SLC22A23: variants seen among roughly 807,000 people sequenced by gnomAD.
SLC22A23 encodes solute carrier family 22 member 23.
A neutral mutation model predicts 61.0 loss-of-function variants in SLC22A23; 26 were observed. That is an observed-to-expected ratio of 0.43 (90% CI 0.31 to 0.59). The LOEUF (loss-of-function observed/expected upper bound fraction) is 0.59, where lower values mean the gene tolerates loss of function less well. Among genes scored for constraint, SLC22A23 ranks in the 20% least tolerant of loss-of-function variants. The probability of loss-of-function intolerance (pLI) is 0.11; values close to 1 mark genes in which losing one functional copy is unlikely to be tolerated. For missense variants in SLC22A23, 796 were observed against 934.7 expected (o/e 0.85, Z 1.94); for synonymous variants, 430 against 413.9 (o/e 1.04, Z -0.47).
At chr6:3,366,332 CAAAAAAAAAAA>C (rs11387672) in intron 3 of SLC22A23, among the ~76,000 whole-genome samples, 5 of 74,164 alleles carry the variant, frequency 6.7e-5, no homozygotes, top group African/African-American at 1.3e-4. Flanking sequence ...GACTCTGTCT[CAAAAAAAAAAA>C]AAAAAAAAAA....
chr6:3,411,229 T>C (rs1769218640), intron 2 of SLC22A23, among the ~76,000 whole-genome samples: 1 of 152,044 alleles, frequency 6.6e-6, no homozygotes, highest in Admixed American at 6.5e-5. Flanking sequence ...ACAATAACTC[T>C]CCATCAAACA....
In SLC22A23 at chr6:3,344,900, G is replaced by A. The variant is rs77956047; in HGVS notation, c.914-20898C>T. Among the ~76,000 whole-genome samples the A allele has an allele frequency of 6.4e-3, 963 of 149,598 alleles. 17 individuals are homozygous for A. The highest frequency in any genetic ancestry group is 0.018 in the African/African-American group (737 of 39,842). The stretch of plus-strand genomic sequence containing the variant: ...CATTTCTTGGCAGCACTGGCAGCCT[G>A]GGCTGAGGAAACCATCTTCCTAGTC... On this transcript the variant is annotated intron_variant, in intron 3 of 9. Coordinates refer to ENST00000406686, the MANE Select transcript of SLC22A23 (RefSeq NM_015482.2).
intron 3 of SLC22A23, among the ~76,000 whole-genome samples, chr6:3,373,843 TG>T (rs1222365986): frequency 6.6e-6 from 1 of 152,174 alleles, no homozygotes; most frequent in African/African-American, 2.4e-5. Context: ...GAGATGATGA[TG>T]ATGGCAGTAA....
intron 3 of SLC22A23, among the ~76,000 whole-genome samples, chr6:3,373,231 C>G (rs1411940462): frequency 2.0e-5 from 3 of 152,252 alleles, no homozygotes; most frequent in Non-Finnish European, 4.4e-5. Flanking sequence ...CCCTGGTAGA[C>G]AACCCTGGAC....
rs539044354 is a variant in SLC22A23, at chr6:3,406,599, C to T, written c.913+3589G>A. Among the ~76,000 whole-genome samples, 26 of 151,814 alleles carry T rather than the reference C, an allele frequency of 1.7e-4. No individual in the cohort carries two copies. The South Asian group carries it at 5.4e-3, about 32-fold the overall frequency. On this transcript the variant is annotated intron_variant, in intron 3 of 9. Coordinates refer to ENST00000406686, the MANE Select transcript of SLC22A23 (RefSeq NM_015482.2). The stretch of plus-strand genomic sequence containing the variant: ...GTGTCCAGAGGCCACTGATCCAGTC[C>T]AAGTGTATTTAGAAATTAGTTCAGT...
intron 6 of SLC22A23, among the ~76,000 whole-genome samples, chr6:3,288,610 C>T (rs1165283829): frequency 1.3e-5 from 2 of 152,232 alleles, no homozygotes; most frequent in Non-Finnish European, 2.9e-5. Context: ...CCAGAGAGCT[C>T]GGTTCCCCGT....
intron 1 of SLC22A23, among the ~76,000 whole-genome samples, chr6:3,447,613 G>C (rs915176296): frequency 2.4e-5 from 3 of 126,948 alleles, no homozygotes; most frequent in African/African-American, 6.0e-5. Flanking sequence ...GTCTGAGACA[G>C]AGTCTTGCTC....
chr6:3,412,598 T>A (rs1207496897), intron 2 of SLC22A23, among the ~76,000 whole-genome samples: 1 of 152,172 alleles, frequency 6.6e-6, no homozygotes, highest in Non-Finnish European at 1.5e-5. Flanking sequence ...TCACTTAGGA[T>A]CTGTGGTGGG....
intron 3 of SLC22A23, among the ~76,000 whole-genome samples, chr6:3,326,162 TCA>T (rs1212982587): frequency 6.6e-6 from 1 of 152,228 alleles, no homozygotes; most frequent in Non-Finnish European, 1.5e-5. Flanking sequence ...CAGTCTGGCT[TCA>T]GTCTCCTCTT....
intron 3 of SLC22A23, among the ~76,000 whole-genome samples, chr6:3,363,824 C>T (rs1028048355): frequency 2.0e-5 from 3 of 152,224 alleles, no homozygotes; most frequent in Admixed American, 6.5e-5. Context: ...GTGCCCCTGC[C>T]CCCATCCTGG....
chr6:3,278,192 A>C (rs1002071260), intron 9 of SLC22A23, among the ~76,000 whole-genome samples: 2 of 152,178 alleles, frequency 1.3e-5, no homozygotes, highest in Non-Finnish European at 2.9e-5. Context: ...GCAATAGAAA[A>C]CCAAGATACT....
At chr6:3,429,436 G>A (rs545605127) in intron 1 of SLC22A23, among the ~76,000 whole-genome samples, 4 of 152,284 alleles carry the variant, frequency 2.6e-5, no homozygotes, top group African/African-American at 9.6e-5. Flanking sequence ...TCACTGCCCT[G>A]CATGTCCCCA....
intron 4 of SLC22A23, among the ~76,000 whole-genome samples, chr6:3,306,680 T>C (rs1371327896): frequency 1.3e-5 from 2 of 152,160 alleles, no homozygotes; most frequent in African/African-American, 4.8e-5. Context: ...TCCCCAGGGC[T>C]TCTGTGGGAA....
At chr6:3,302,256 G>A (rs1761666386) in intron 4 of SLC22A23, among the ~76,000 whole-genome samples, 1 of 152,020 alleles carries the variant, frequency 6.6e-6, no homozygotes, top group Admixed American at 6.6e-5. Context: ...ATGATTCTTT[G>A]TATTTCTGTG....
chr6:3,395,242 T>C (rs1453868351), intron 3 of SLC22A23, among the ~76,000 whole-genome samples: 1 of 152,194 alleles, frequency 6.6e-6, no homozygotes, highest in African/African-American at 2.4e-5. Flanking sequence ...GGAGCCCACA[T>C]TTTCATCTGG....
At chr6:3,378,996 G>A (rs57090535) in intron 3 of SLC22A23, among the ~76,000 whole-genome samples, 7,909 of 152,218 alleles carry the variant, frequency 0.052, 238 homozygotes, top group East Asian at 0.15. Context: ...GAGCTGAATC[G>A]TGGCCTGGGC....
At position 3,317,144 on chromosome 6, in the gene SLC22A23, G is replaced by A. The variant is rs1033250944; in HGVS notation, c.1082+6690C>T. 1.3e-5 allele frequency among the ~76,000 whole-genome samples: 2 copies of A among 152,122 alleles called. No individual in the cohort carries two copies. Among genetic ancestry groups the A allele is most frequent in the East Asian group, 1.9e-4 (1 of 5,196 alleles). ...TCATTCCTCAATAGTGAATTCCCGC[G>A]CAGGAAACTTGATGTCACCCTGTCC... On this transcript the variant is annotated intron_variant, in intron 4 of 9. Transcript: ENST00000406686. The surrounding 1 kb of genome is among the most constrained non-coding windows in gnomAD (Gnocchi z 4.4).
intron 3 of SLC22A23, among the ~76,000 whole-genome samples, chr6:3,356,957 C>G (rs1277995353): frequency 6.7e-6 from 1 of 148,674 alleles, no homozygotes; most frequent in Non-Finnish European, 1.5e-5. Context: ...TCCCAACTGT[C>G]GTGGTTTGTT....
At chr6:3,315,509 C>T (rs1762586121) in intron 4 of SLC22A23, among the ~76,000 whole-genome samples, 2 of 152,206 alleles carry the variant, frequency 1.3e-5, no homozygotes, top group South Asian at 4.1e-4. Flanking sequence ...ATCTCACAGG[C>T]CCTTCGAGGA....
Sources: allele counts gnomAD v4.1 joint callset (sites outside exome capture counted in the v4.1 genomes callset), GRCh38; gene constraint gnomAD v4.1.1; non-coding constraint Gnocchi (gnomAD v3.1); transcripts MANE v1.5; gene names NCBI Gene and HGNC (gene_info 2026-07-23, HGNC 2026-07-21).